RBFOX1: variants seen among roughly 807,000 people sequenced by gnomAD.
The protein encoded by RBFOX1 is RNA binding fox-1 homolog 1.
Under a neutral mutation model 57.7 loss-of-function variants are expected in RBFOX1, and 8 were observed. The observed-to-expected ratio is 0.14, with a 90% CI of 0.08 to 0.25. The LOEUF (loss-of-function observed/expected upper bound fraction) is 0.25, where lower values mean the gene tolerates loss of function less well. Among genes scored for constraint, RBFOX1 ranks in the 10% least tolerant of loss-of-function variants. The pLI, the probability that RBFOX1 is intolerant of heterozygous loss-of-function variation, is 1.00. For synonymous variants in RBFOX1, 326 were observed against 222.4 expected (o/e 1.47, Z -4.15); for missense variants, 611 against 548.5 (o/e 1.11, Z -1.14).
intron 3 of RBFOX1, among the ~76,000 whole-genome samples, chr16:6,801,410 C>A (rs2085414322): frequency 6.6e-6 from 1 of 152,106 alleles, no homozygotes; most frequent in Non-Finnish European, 1.5e-5. Context: ...CCCTTGGGAA[C>A]TGCTCAGCTG....
intron 3 of RBFOX1, among the ~76,000 whole-genome samples, chr16:6,886,178 C>G (rs921363082): frequency 9.2e-5 from 14 of 151,674 alleles, no homozygotes; most frequent in Non-Finnish European, 1.8e-4. Context: ...TCTCCTGCCT[C>G]AGCCTCCTGA....
At position 6,414,814 on chromosome 16, in the gene RBFOX1, C is replaced by T. The variant is rs149023717; in HGVS notation, c.-64+97757C>T. 3.0e-3 allele frequency among the ~76,000 whole-genome samples: 453 copies of T among 152,280 alleles called. 5 individuals carry two copies. The highest frequency in any genetic ancestry group is 1.1e-3 in the Non-Finnish European group (74 of 68,020). ...GCAATGTCTGTCTTGAGACAATTTT[C>T]ATTGGCACAACTGGAAGAGGTTAGG... On this transcript the variant is annotated intron_variant, in intron 2 of 15. Transcript: ENST00000550418.
intron 4 of RBFOX1, among the ~76,000 whole-genome samples, chr16:7,356,035 C>T (rs1353742586): frequency 2.0e-5 from 3 of 152,230 alleles, no homozygotes; most frequent in Non-Finnish European, 2.9e-5. Context: ...AAGAAGCAAG[C>T]TCCAACGAGT....
chr16:5,480,006 C>CT (rs2069469807), intron 2 of RBFOX1, among the ~76,000 whole-genome samples: 3 of 152,076 alleles, frequency 2.0e-5, no homozygotes, highest in Admixed American at 2.0e-4. Flanking sequence ...TCCTCCTTGC[C>CT]TACAGGCCTG....
chr16:5,414,090 A>G (rs147357571), intron 1 of RBFOX1, among the ~76,000 whole-genome samples: 42 of 152,302 alleles, frequency 2.8e-4, no homozygotes, highest in African/African-American at 9.6e-4. Flanking sequence ...ACAACACTCA[A>G]TGATGAGATA....
intron 3 of RBFOX1, among the ~76,000 whole-genome samples, chr16:6,686,778 C>G (rs2059498048): frequency 6.6e-6 from 1 of 152,208 alleles, no homozygotes; most frequent in African/African-American, 2.4e-5. Context: ...ATTACACACA[C>G]CCAACCCAGT....
intron 4 of RBFOX1, among the ~76,000 whole-genome samples, chr16:7,146,270 A>T (rs897456639): frequency 1.3e-5 from 2 of 152,128 alleles, no homozygotes; most frequent in Non-Finnish European, 2.9e-5. Context: ...TGAAATTTCT[A>T]GTTTCTCTGC....
At chr16:5,250,767 G>A (rs1477273369) in intron 1 of RBFOX1, among the ~76,000 whole-genome samples, 4 of 152,134 alleles carry the variant, frequency 2.6e-5, no homozygotes, top group Admixed American at 6.6e-5. Flanking sequence ...CGTTTAACCA[G>A]CCCTGCACCG....
Position 7,047,617 on chromosome 16 carries a change from A to T in RBFOX1, c.-15-4440A>T, listed in dbSNP as rs561906473. Among the ~76,000 whole-genome samples, 238 of 140,964 alleles carry T rather than the reference A, an allele frequency of 1.7e-3. 1 individual carries two copies. Among genetic ancestry groups the T allele is most frequent in the African/African-American group, 5.8e-3 (210 of 36,374 alleles). 92.5% of individuals were successfully genotyped at this position (140,964 alleles called of 152,430 possible). A position where few individuals can be genotyped will look rare whatever the true frequency, so the allele number is the denominator to read the frequency against. ...GGAAGTTTTCAGCCATTATTTCTTA[A>T]TTTTTTTTTTTGCAGTGAACTCTTT... On this transcript the variant is annotated intron_variant, in intron 3 of 15. Coordinates refer to ENST00000550418, the MANE Select transcript of RBFOX1 (RefSeq NM_018723.4).
rs34199539 is a variant in RBFOX1 at position 7,456,897 on chromosome 16, C to CT, written c.28-61239dup. Among the ~76,000 whole-genome samples the CT allele has an allele frequency of 4.5e-3, 671 of 148,498 alleles. 3 individuals are homozygous for CT. The highest frequency in any genetic ancestry group is 5.7e-3 in the Non-Finnish European group (385 of 67,016). On this transcript the variant is annotated intron_variant, in intron 4 of 15. Coordinates refer to ENST00000550418, the MANE Select transcript of RBFOX1 (RefSeq NM_018723.4). ...TCCACTCGGAAGGTGTACTTTTTTT[C>CT]TTTTTTTTTTTGAAACGGAGTTTCG...
chr16:7,636,433 T>G (rs1340396971), intron 11 of RBFOX1, among the ~76,000 whole-genome samples: 1 of 152,254 alleles, frequency 6.6e-6, no homozygotes, highest in African/African-American at 2.4e-5. Flanking sequence ...TTATTATCAG[T>G]TCACACGTGA....
intron 1 of RBFOX1, among the ~76,000 whole-genome samples, chr16:6,162,953 C>T (rs901167810): frequency 4.6e-5 from 7 of 152,232 alleles, no homozygotes; most frequent in African/African-American, 1.7e-4. Flanking sequence ...AGGCTGGTCT[C>T]GAACTCCTGA....
intron 3 of RBFOX1, among the ~76,000 whole-genome samples, chr16:5,645,895 C>T (rs61369148): frequency 0.029 from 4,484 of 152,246 alleles, 243 homozygotes; most frequent in African/African-American, 0.1. Context: ...AATGCAATGG[C>T]GTGCATCATA....
At chr16:6,896,725 T>C (rs1337140110) in intron 3 of RBFOX1, among the ~76,000 whole-genome samples, 3 of 152,158 alleles carry the variant, frequency 2.0e-5, no homozygotes, top group Non-Finnish European at 4.4e-5. Context: ...TAAATTATGC[T>C]CTATGAATGC....
At chr16:6,116,570 G>T (rs962279271) in intron 1 of RBFOX1, among the ~76,000 whole-genome samples, 2 of 152,210 alleles carry the variant, frequency 1.3e-5, no homozygotes, top group African/African-American at 2.4e-5. Context: ...GATGAAGCCA[G>T]TGCAGGTGAG....
chr16:7,172,614 ACT>A lies in RBFOX1; in HGVS notation c.27+120523_27+120524del, dbSNP rs921099020. On this transcript the variant is annotated intron_variant, in intron 4 of 15. Coordinates refer to ENST00000550418, the MANE Select transcript of RBFOX1 (RefSeq NM_018723.4). ...TCATATTGGAGAAAAAAAAAAGAAA[ACT>A]CTCTCTTACTTACTGGGAACACACA... Among the ~76,000 whole-genome samples the A allele has an allele frequency of 7.9e-5, 12 of 152,048 alleles. No homozygotes were observed. In the East Asian group the frequency reaches 2.1e-3, roughly 27 times the overall value.
At position 5,810,270 on chromosome 16, in the gene RBFOX1, A is replaced by G. The variant is rs148598800; in HGVS notation, c.319-57033A>G. 5.0e-3 allele frequency among the ~76,000 whole-genome samples: 757 copies of G among 152,226 alleles called. 18 individuals carry two copies. The highest frequency in any genetic ancestry group is 0.042 in the Admixed American group (637 of 15,262). On this transcript the variant is annotated intron_variant, in intron 3 of 19. Coordinates refer to the RBFOX1 transcript ENST00000641259. ...CAGCACACCAGAATGGCACATGTAT[A>G]CATATGTAACTAACCTGCACATTGT...
intron 3 of RBFOX1, chr16:6,983,661 A>G (rs1269344403): frequency 6.6e-6 from 1 of 152,174 alleles, no homozygotes; most frequent in Non-Finnish European, 1.5e-5. Flanking sequence ...ATCTCTTGGG[A>G]GAAGAGGCAA....
chr16:6,328,708 T>C (rs986592657), intron 2 of RBFOX1, among the ~76,000 whole-genome samples: 7 of 152,104 alleles, frequency 4.6e-5, no homozygotes, highest in East Asian at 1.9e-4. Context: ...TAGGAAACCA[T>C]AGGTCTCTTG....
Sources: allele counts gnomAD v4.1 joint callset (sites outside exome capture counted in the v4.1 genomes callset), GRCh38; gene constraint gnomAD v4.1.1; transcripts MANE v1.5; gene names NCBI Gene and HGNC (gene_info 2026-07-23, HGNC 2026-07-21).